Variants in CDH13 observed in about 807,000 individuals in gnomAD.
CDH13 encodes the protein cadherin-13.
Under a neutral mutation model 63.8 loss-of-function variants are expected in CDH13, and 24 were observed. The observed-to-expected ratio is 0.38, with a 90% confidence interval of 0.27 to 0.53. The LOEUF is 0.53. CDH13 is among the 20% of genes least tolerant of loss of function. The pLI is 0.85. For missense variants in CDH13, 1,049 were observed against 903.1 expected (o/e 1.16, Z -2.07); for synonymous variants, 503 against 355.3 (o/e 1.42, Z -4.67).
Position 83,131,182 on chromosome 16 carries a change from A to ACCCCCCCCCCCC in CDH13, c.483+5689_483+5700dup, listed in dbSNP as rs1173636265. Among the ~76,000 whole-genome samples the ACCCCCCCCCCCC allele has an allele frequency of 3.8e-4, 33 of 86,352 alleles. 4 individuals are homozygous for ACCCCCCCCCCCC. The highest frequency in any genetic ancestry group is 9.2e-4 in the African/African-American group (13 of 14,144). The allele number at this position is 86,352 out of a possible 152,430, so 56.7% of individuals were successfully genotyped here. A position where few individuals can be genotyped will look rare whatever the true frequency, so the allele number is the denominator to read the frequency against. ...GGTGGGGAGTATAAGGGGGTGTATG[A>ACCCCCCCCCCCC]CCCCCCCCCCCCCCCCCCCGCCCAC... On this transcript the variant is annotated intron_variant, in intron 4 of 13. Transcript: ENST00000567109.
chr16:83,434,902 C>A (rs1391640497), intron 6 of CDH13, among the ~76,000 whole-genome samples: 2 of 55,522 alleles, frequency 3.6e-5, no homozygotes, highest in African/African-American at 7.7e-5. Context: ...TAAAATAAAC[C>A]CCTATTTTAT....
intron 6 of CDH13, among the ~76,000 whole-genome samples, chr16:83,439,215 G>A (rs1008396612): frequency 5.3e-5 from 8 of 152,238 alleles, no homozygotes; most frequent in African/African-American, 1.9e-4. Flanking sequence ...CTGGCACATA[G>A]CAATTAACCC....
At chr16:82,925,396 T>A (rs998923055) in intron 2 of CDH13, among the ~76,000 whole-genome samples, 3 of 152,180 alleles carry the variant, frequency 2.0e-5, no homozygotes, top group African/African-American at 7.2e-5. Flanking sequence ...AAGCTGGTAA[T>A]CAGCCATGGC....
chr16:83,449,319 C>T (rs1415134405), intron 6 of CDH13, among the ~76,000 whole-genome samples: 1 of 152,080 alleles, frequency 6.6e-6, no homozygotes, highest in Non-Finnish European at 1.5e-5. Context: ...GTAAAGATCT[C>T]ATGGTACCAA....
intron 7 of CDH13, among the ~76,000 whole-genome samples, chr16:83,552,278 G>A (rs2075518549): frequency 6.6e-6 from 1 of 152,142 alleles, no homozygotes; most frequent in Non-Finnish European, 1.5e-5. Context: ...CATAGTTTGA[G>A]GGAGGTCAGA....
chr16:83,699,327 G>A (rs1344361577), intron 10 of CDH13, among the ~76,000 whole-genome samples: 1 of 152,228 alleles, frequency 6.6e-6, no homozygotes, highest in Non-Finnish European at 1.5e-5. Context: ...AACAGCCACT[G>A]AGTGTGGGAG....
intron 6 of CDH13, among the ~76,000 whole-genome samples, chr16:83,391,861 AC>A (rs1374130583): frequency 6.6e-6 from 1 of 152,222 alleles, no homozygotes; most frequent in Non-Finnish European, 1.5e-5. Context: ...GTTCATCTGT[AC>A]GAAAATATTT....
chr16:82,634,352 T>G (rs967333368), intron 1 of CDH13, among the ~76,000 whole-genome samples: 1 of 152,254 alleles, frequency 6.6e-6, no homozygotes, highest in South Asian at 2.1e-4. Context: ...TGCAGACACC[T>G]GAAGCTTGAG....
intron 7 of CDH13, among the ~76,000 whole-genome samples, chr16:83,511,090 A>ACGCATG (rs1598189636): frequency 2.4e-5 from 1 of 41,264 alleles, no homozygotes; most frequent in East Asian, 1.7e-3. Context: ...GCATGCACAC[A>ACGCATG]CACATGCACA....
intron 11 of CDH13, among the ~76,000 whole-genome samples, chr16:83,750,227 C>T (rs1293549936): frequency 1.3e-5 from 2 of 151,998 alleles, no homozygotes; most frequent in African/African-American, 4.8e-5. Flanking sequence ...ACCTAGGAGG[C>T]AGAGGTTGCA....
intron 10 of CDH13, chr16:83,735,261 G>A (rs1911434702): frequency 6.6e-6 from 1 of 152,066 alleles, no homozygotes; most frequent in African/African-American, 2.4e-5. Context: ...CCATTCGAGG[G>A]CTTTGTCCAT....
At chr16:82,963,139 G>A (rs1373611863) in intron 2 of CDH13, among the ~76,000 whole-genome samples, 1 of 151,976 alleles carries the variant, frequency 6.6e-6, no homozygotes, top group Non-Finnish European at 1.5e-5. Context: ...GGGAGGCTGA[G>A]GCGGGCAGAT....
chr16:82,862,957 G>A (rs931320617), intron 2 of CDH13, among the ~76,000 whole-genome samples: 3 of 152,138 alleles, frequency 2.0e-5, no homozygotes, highest in African/African-American at 7.2e-5. Flanking sequence ...AGACTATGAG[G>A]AGGTCACTGC....
intron 4 of CDH13, among the ~76,000 whole-genome samples, chr16:83,180,539 G>C (rs775401679): frequency 6.6e-6 from 1 of 152,170 alleles, no homozygotes; most frequent in Non-Finnish European, 1.5e-5. Flanking sequence ...GATCTGTAAA[G>C]AAGTGTCCCA....
At chr16:83,491,365 C>T (rs563479392) in intron 7 of CDH13, among the ~76,000 whole-genome samples, 1 of 152,252 alleles carries the variant, frequency 6.6e-6, no homozygotes, top group South Asian at 2.1e-4. Flanking sequence ...TACTTAGCCC[C>T]CCATTTCTGG....
At chr16:83,451,501 C>A (rs1448065503) in intron 6 of CDH13, among the ~76,000 whole-genome samples, 1 of 152,214 alleles carries the variant, frequency 6.6e-6, no homozygotes, top group East Asian at 1.9e-4. Context: ...CAAACCATAC[C>A]ACTCTTTTTT....
chr16:82,962,217 A>G (rs1349277259), intron 2 of CDH13, among the ~76,000 whole-genome samples: 1 of 152,214 alleles, frequency 6.6e-6, no homozygotes, highest in East Asian at 1.9e-4. Context: ...CATAGAGGAA[A>G]ACAGATACAC....
intron 7 of CDH13, among the ~76,000 whole-genome samples, chr16:83,545,332 A>G (rs2075367024): frequency 6.6e-6 from 1 of 152,250 alleles, no homozygotes; most frequent in Non-Finnish European, 1.5e-5. Flanking sequence ...TGGATGTGCT[A>G]AATTAGATAT....
Position 83,553,206 on chromosome 16 carries a change from A to C in CDH13, c.961-49248A>C, listed in dbSNP as rs1403436661. Among the ~76,000 whole-genome samples the C allele has an allele frequency of 2.6e-5, 4 of 152,334 alleles. No homozygotes were observed. In the East Asian group the frequency reaches 7.7e-4, roughly 29 times the overall value. On this transcript the variant is annotated intron_variant, in intron 7 of 13. Transcript: ENST00000567109. ...TCTAATGTAAGTTCGGAGCAGTCCT[A>C]ACATTCCAAGAGTTAAAATTATCCA...
Sources: allele counts gnomAD v4.1 joint callset (sites outside exome capture counted in the v4.1 genomes callset), GRCh38; gene constraint gnomAD v4.1.1; transcripts MANE v1.5; gene names NCBI Gene and HGNC (gene_info 2026-07-23, HGNC 2026-07-21).